The following DUS2 variants were observed in gnomAD, a reference collection of about 807,000 sequenced individuals.
DUS2 encodes dihydrouridine synthase 2.
DUS2 carries 52 observed loss-of-function variants against 71.3 expected under a neutral mutation model. The observed-to-expected ratio is 0.73, with a 90% confidence interval of 0.58 to 0.92. The LOEUF (loss-of-function observed/expected upper bound fraction) is 0.92, where lower values mean the gene tolerates loss of function less well. Among genes scored for constraint, DUS2 ranks in the 40% least tolerant of loss-of-function variants. The pLI is 0.00. For missense variants in DUS2, 558 were observed against 622.6 expected (o/e 0.90, Z 1.10); for synonymous variants, 204 against 227.8 (o/e 0.90, Z 0.94).
At chr16:68,078,545 G>C in intron 16 of DUS2, 27 bp downstream of exon 16, 1 of 1,609,196 alleles carries the variant, frequency 6.2e-7, no homozygotes. Context: ...TAGGAGAGGA[G>C]GCTTGGGGTG....
intron 6 of DUS2, 21 bp downstream of exon 6, chr16:68,054,638 T>C: frequency 9.3e-6 from 15 of 1,614,130 alleles, no homozygotes; most frequent in Non-Finnish European, 1.3e-5. Context: ...CCTCTGTCTT[T>C]AGCACTGCCT....
Position 68,061,988 on chromosome 16 carries a change from C to CT in DUS2, c.417+876dup, listed in dbSNP as rs1369657520. On this transcript the variant is annotated intron_variant, in intron 8 of 16. Coordinates refer to ENST00000565263, the MANE Select transcript of DUS2 (RefSeq NM_017803.5). ...TTTCCCATGTGCAGCCAGAGATACT[C>CT]TATCTATAGTGCACCTGTATAATGT... is the stretch of plus-strand genomic sequence containing the variant. Among the ~76,000 whole-genome samples, 4 of 143,742 alleles carry CT rather than the reference C, an allele frequency of 2.8e-5. No homozygotes were observed. The East Asian group carries it at 7.7e-4, about 28-fold the overall frequency. 94.3% of individuals were successfully genotyped at this position (143,742 alleles called of 152,430 possible). A position where few individuals can be genotyped will look rare whatever the true frequency, so the allele number is the denominator to read the frequency against.
chr16:68,047,933 A>C (rs2033728677), intron 3 of DUS2, among the ~76,000 whole-genome samples: 1 of 151,902 alleles, frequency 6.6e-6, no homozygotes, highest in Non-Finnish European at 1.5e-5. Flanking sequence ...GGCACATGCC[A>C]CCACGCCCGG....
chr16:68,054,618 G>T lies in DUS2; in HGVS notation c.308+1G>T, dbSNP rs1473447111. The T allele has an allele frequency of 6.2e-7, 1 of 1,614,042 alleles. No individual in the cohort carries two copies. The highest frequency in any genetic ancestry group is 8.5e-7 in the Non-Finnish European group (1 of 1,180,028). ...GAGCCCTTGCTGTGGCCAGGCTTGT[G>T]TAAGTTCATCCTCTGTCTTTAGCAC... On this transcript the variant is annotated splice_donor_variant, in intron 6 of 16. Transcript: ENST00000565263. LOFTEE classifies it high-confidence loss of function.
intron 10 of DUS2, 96 bp from the exon 11 acceptor site, chr16:68,070,038 G>A (rs904554276): frequency 2.7e-6 from 3 of 1,115,306 alleles, no homozygotes; most frequent in African/African-American, 3.1e-5. Flanking sequence ...CTGAGGTTCA[G>A]TGGGGAGGAC....
At chr16:68,070,297 C>T in intron 11 of DUS2, 77 bp downstream of exon 11, 1 of 1,443,922 alleles carries the variant, frequency 6.9e-7, no homozygotes. Context: ...CCAGCCTTCC[C>T]TAGAGTGAAA....
chr16:68,036,110 C>T lies in DUS2; in HGVS notation c.-18-1896C>T, dbSNP rs932922389. Among the ~76,000 whole-genome samples, 3 of 151,362 alleles carry T rather than the reference C, an allele frequency of 2.0e-5. No homozygotes were observed. The Admixed American group carries it at 2.0e-4, about 10-fold the overall frequency. Reference sequence around the variant, plus strand: ...CTCCTGGGTTCAAGCAATTCTCTTGCCTCAGCCTCCAGAGTAGCTGGGACT... The same window carrying T: ...CTCCTGGGTTCAAGCAATTCTCTTGTCTCAGCCTCCAGAGTAGCTGGGACT... On this transcript the variant is annotated intron_variant, in intron 2 of 16. Transcript: ENST00000565263.
chr16:68,054,905 TGGTGGCGCGTGC>T (rs2033830192), intron 6 of DUS2, among the ~76,000 whole-genome samples: 3 of 152,038 alleles, frequency 2.0e-5, no homozygotes, highest in Admixed American at 2.0e-4. Flanking sequence ...TAGCTGGGTG[TGGTGGCGCGTGC>T]CTGTAGTCCC....
At chr16:68,038,224 A>G (rs2033564070) in intron 3 of DUS2, 75 bp downstream of exon 3, 2 of 1,586,092 alleles carry the variant, frequency 1.3e-6, no homozygotes, top group East Asian at 2.3e-5. Context: ...GGGAGTGGTC[A>G]GGAGTTAGTG....
chr16:68,037,533 T>C (rs1008020502), intron 2 of DUS2, among the ~76,000 whole-genome samples: 5 of 151,438 alleles, frequency 3.3e-5, no homozygotes, highest in African/African-American at 1.2e-4. Context: ...TTCTCCTGCC[T>C]CAGCCTCCTG....
chr16:68,032,396 G>C (rs577653494), intron 2 of DUS2, among the ~76,000 whole-genome samples: 2 of 152,296 alleles, frequency 1.3e-5, no homozygotes, highest in African/African-American at 4.8e-5. Flanking sequence ...TTGTCCTGGT[G>C]GTCTCCAGGA....
At chr16:68,053,474 A>G in intron 4 of DUS2, 90 bp from the exon 5 acceptor site, 1 of 1,227,990 alleles carries the variant, frequency 8.1e-7, no homozygotes, top group Non-Finnish European at 1.2e-6. Context: ...CTTGAAGCTT[A>G]TACTCTGGCT....
rs976639078 is a variant in DUS2 at position 68,075,395 on chromosome 16, C to T, written c.973C>T (p.Gln325Ter). ...TGGTGCCTTCTATGAGGAGACCACA[C>T]AGGAGCTGGATGCCCAGCAGGCCAG... ...GLGAFYEETTQELDAQQARLS... is the reference protein window; with the variant it reads ...GLGAFYEETT Residue 325 changes from glutamine (Q) to a stop codon, truncating the protein, a stop_gained, in exon 14 of 17, where the codon CAG (glutamine) becomes TAG (stop). Transcript: ENST00000565263. LOFTEE classifies it high-confidence loss of function. 3 of 1,613,528 alleles carry T rather than the reference C, an allele frequency of 1.9e-6. No individual in the cohort carries two copies. Among genetic ancestry groups the T allele is most frequent in the East Asian group, 4.5e-5 (2 of 44,872 alleles).
chr16:68,036,022 A>G (rs1379255901), intron 2 of DUS2, among the ~76,000 whole-genome samples: 2 of 147,132 alleles, frequency 1.4e-5, no homozygotes, highest in African/African-American at 5.1e-5. Context: ...TTTTAGATGG[A>G]GTTTTCCTCT....
chr16:68,035,437 T>C (rs544073228), intron 2 of DUS2, among the ~76,000 whole-genome samples: 1 of 152,038 alleles, frequency 6.6e-6, no homozygotes, highest in Non-Finnish European at 1.5e-5. Flanking sequence ...GACTGGAGTT[T>C]AGCGGTATTA....
intron 2 of DUS2, among the ~76,000 whole-genome samples, chr16:68,025,702 T>TC (rs994189551): frequency 6.6e-6 from 1 of 152,022 alleles, no homozygotes; most frequent in Admixed American, 6.6e-5. Flanking sequence ...CTACCTTTTT[T>TC]CCCCCTCACT....
chr16:68,053,477 C>T (rs2033808769), intron 4 of DUS2, 87 bp from the exon 5 acceptor site: 1 of 1,266,288 alleles, frequency 7.9e-7, no homozygotes, highest in Non-Finnish European at 1.2e-6. Context: ...GAAGCTTATA[C>T]TCTGGCTGTG....
chr16:68,056,544 C>A, intron 7 of DUS2, 120 bp downstream of exon 7: 1 of 747,480 alleles, frequency 1.3e-6, no homozygotes, highest in South Asian at 1.7e-5. Context: ...GGAAAATGCT[C>A]AAAAAGATAT....
intron 8 of DUS2, among the ~76,000 whole-genome samples, chr16:68,061,969 A>G (rs1383750127): frequency 6.6e-6 from 1 of 151,784 alleles, no homozygotes. Context: ...CGTTTTTCCC[A>G]TGTGCAGCCA....
Sources: gnomAD v4.1 joint callset for allele counts (sites outside exome capture counted in the v4.1 genomes callset) on GRCh38, gnomAD v4.1.1 for gene constraint, MANE v1.5 for transcripts, NCBI Gene and HGNC (gene_info 2026-07-23, HGNC 2026-07-21) for gene names.